Variants in NEURL1 observed in about 807,000 individuals in gnomAD.
NEURL1 encodes neuralized E3 ubiquitin protein ligase 1, also known as E3 ubiquitin-protein ligase NEURL1.
NEURL1 carries 26 observed loss-of-function variants against 41.2 expected under a neutral mutation model. The ratio of observed to expected loss-of-function variants is 0.63; its 90% CI spans 0.46 to 0.87. NEURL1 has a LOEUF of 0.87. NEURL1 is among the 40% of genes least tolerant of loss of function. The pLI is 0.00. For synonymous variants in NEURL1, 400 were observed against 402.3 expected (o/e 0.99, Z 0.07); for missense variants, 761 against 871.1 (o/e 0.87, Z 1.59).
Position 103,558,069 on chromosome 10 carries a change from G to A in NEURL1, c.86-12803G>A, listed in dbSNP as rs563846106. On this transcript the variant is annotated intron_variant, in intron 1 of 5. Coordinates refer to ENST00000369780, the MANE Select transcript of NEURL1 (RefSeq NM_004210.5). This position sits in a 1 kb window ranked among gnomAD's most constrained non-coding sequence, Gnocchi z 4.2. ...AATTTTTTGTATTTTTAGTAGAGAC[G>A]GGGTTTCACCATGTTGGTCAGGCTG... The A allele has an allele frequency of 5.1e-6, 2 of 390,680 alleles. No homozygotes were observed. Among genetic ancestry groups the A allele is most frequent in the African/African-American group, 2.2e-5 (1 of 45,734 alleles). The allele number at this position is 390,680 out of a possible 1,614,324, so 24.2% of individuals were successfully genotyped here.
At position 103,553,314 on chromosome 10, in the gene NEURL1, C is replaced by T. The variant is rs552802660; in HGVS notation, c.86-17558C>T. Among the ~76,000 whole-genome samples, 6 of 152,264 alleles carry T rather than the reference C, an allele frequency of 3.9e-5. No individual in the cohort carries two copies. The South Asian group carries it at 6.2e-4, about 16-fold the overall frequency. ...GTTTGCTGTTATTATGATCATTATC[C>T]GACAAAAGGAGTTTGGCTTACTTTC... On this transcript the variant is annotated intron_variant, in intron 1 of 5. Transcript: ENST00000369780.
At chr10:103,570,813 C>A in intron 1 of NEURL1, 59 bp from the exon 2 acceptor site, 1 of 1,571,064 alleles carries the variant, frequency 6.4e-7, no homozygotes. Context: ...CCCTAGGGGA[C>A]TCTGGTCTGG....
intron 1 of NEURL1, among the ~76,000 whole-genome samples, chr10:103,532,748 G>T (rs1057205193): frequency 3.4e-5 from 5 of 148,808 alleles, no homozygotes; most frequent in Non-Finnish European, 6.0e-5. Flanking sequence ...CTGTATCTTT[G>T]ACTTTTTACA....
Position 103,545,502 on chromosome 10 carries a change from G to C in NEURL1, c.86-25370G>C, listed in dbSNP as rs1194184820. 6.6e-6 allele frequency among the ~76,000 whole-genome samples: 1 copy of C among 152,172 alleles called. No individual in the cohort carries two copies. The highest frequency in any genetic ancestry group is 1.5e-5 in the Non-Finnish European group (1 of 68,022). Reference sequence around the variant, plus strand: ...TGAGAGCCACTGGCCTTTCCTGAGAGGCACTGCATGGACCCCATTACTCAC... The same window carrying C: ...TGAGAGCCACTGGCCTTTCCTGAGACGCACTGCATGGACCCCATTACTCAC... On this transcript the variant is annotated intron_variant, in intron 1 of 5. Coordinates refer to ENST00000369780, the MANE Select transcript of NEURL1 (RefSeq NM_004210.5). This position sits in a 1 kb window ranked among gnomAD's most constrained non-coding sequence, Gnocchi z 4.5.
At chr10:103,511,267 G>A (rs1488253663) in intron 1 of NEURL1, among the ~76,000 whole-genome samples, 1 of 152,188 alleles carries the variant, frequency 6.6e-6, no homozygotes, top group Non-Finnish European at 1.5e-5. Flanking sequence ...GGGACACAGG[G>A]GGAGCTCTGG....
intron 4 of NEURL1, chr10:103,588,587 C>T: frequency 3.0e-6 from 1 of 333,982 alleles, no homozygotes; most frequent in South Asian, 2.2e-5. Context: ...CTGGTAGGTC[C>T]TTGGTAAGGA....
rs2035214289 is a variant in NEURL1, at chr10:103,558,603, C to T, written c.86-12269C>T. Among the ~76,000 whole-genome samples the T allele has an allele frequency of 6.6e-6, 1 of 151,184 alleles. No individual in the cohort carries two copies. Among genetic ancestry groups the T allele is most frequent in the South Asian group, 2.1e-4 (1 of 4,774 alleles). ...CTCTGGGACCAGCCTGGCAGGAGAC[C>T]CATGGGGAAATGAATTCCCATTTGG... On this transcript the variant is annotated intron_variant, in intron 1 of 5. Coordinates refer to ENST00000369780, the MANE Select transcript of NEURL1 (RefSeq NM_004210.5). This position sits in a 1 kb window ranked among gnomAD's most constrained non-coding sequence, Gnocchi z 4.2.
At chr10:103,494,821 A>G in intron 1 of NEURL1, 1 of 268,616 alleles carries the variant, frequency 3.7e-6, no homozygotes, top group Non-Finnish European at 7.0e-6. Context: ...GTCTCCAGGG[A>G]GGCACCTCGA....
At chr10:103,582,823 A>G (rs1181556921) in intron 3 of NEURL1, among the ~76,000 whole-genome samples, 4 of 152,230 alleles carry the variant, frequency 2.6e-5, no homozygotes, top group African/African-American at 7.2e-5. Context: ...GGTGCGGCTT[A>G]CAGTGGCACC....
chr10:103,583,111 G>T (rs898279501), intron 3 of NEURL1, among the ~76,000 whole-genome samples: 5 of 152,192 alleles, frequency 3.3e-5, no homozygotes, highest in African/African-American at 1.2e-4. Flanking sequence ...ACAGCCATTA[G>T]AAGAATATGG....
At chr10:103,512,798 G>A (rs1006531887) in intron 1 of NEURL1, among the ~76,000 whole-genome samples, 1 of 152,100 alleles carries the variant, frequency 6.6e-6, no homozygotes, top group Non-Finnish European at 1.5e-5. Flanking sequence ...CTTATCTTAA[G>A]CTAGTTGTGT....
At chr10:103,564,503 C>G (rs1254767299) in intron 1 of NEURL1, among the ~76,000 whole-genome samples, 1 of 152,218 alleles carries the variant, frequency 6.6e-6, no homozygotes, top group African/African-American at 2.4e-5. Context: ...CCCTCCTGCA[C>G]ACAGCCTTCC....
rs550557732 is a variant in NEURL1, at chr10:103,590,596, C to T, written c.*224C>T. 20 of 578,938 alleles carry T rather than the reference C, an allele frequency of 3.5e-5. No homozygotes were observed. The highest frequency in any genetic ancestry group is 5.8e-5 in the East Asian group (2 of 34,504). 35.9% of individuals were successfully genotyped at this position (578,938 alleles called of 1,614,324 possible). A position where few individuals can be genotyped will look rare whatever the true frequency, so the allele number is the denominator to read the frequency against. ...GCAGAGGGAGGGGAGGAGAGGAGGC[C>T]GCACTCTCCCTGTCTCTCCCGTCTC... is the stretch of plus-strand genomic sequence containing the variant. On this transcript the variant is annotated 3_prime_UTR_variant, in exon 6 of 6. Coordinates refer to ENST00000369780, the MANE Select transcript of NEURL1 (RefSeq NM_004210.5).
chr10:103,563,833 G>T (rs952908782), intron 1 of NEURL1, among the ~76,000 whole-genome samples: 9 of 152,330 alleles, frequency 5.9e-5, no homozygotes, highest in African/African-American at 2.2e-4. Flanking sequence ...TTTGGAGGCA[G>T]CCAGCCCTGG....
At chr10:103,568,035 A>T (rs1250745075) in intron 1 of NEURL1, among the ~76,000 whole-genome samples, 1 of 152,130 alleles carries the variant, frequency 6.6e-6, no homozygotes, top group African/African-American at 2.4e-5. Context: ...GGTCTCAGGG[A>T]TACGGGAGAG....
Position 103,583,524 on chromosome 10 carries a change from G to A in NEURL1, c.650-1012G>A, listed in dbSNP as rs114230693. Reference sequence around the variant, plus strand: ...TGAGCCTAGGAGTTGGAGACCAGATGGGCAACATGGCGAAATACCGTCTCT... The same window carrying A: ...TGAGCCTAGGAGTTGGAGACCAGATAGGCAACATGGCGAAATACCGTCTCT... On this transcript the variant is annotated intron_variant, in intron 3 of 5. Transcript: ENST00000369780. Among the ~76,000 whole-genome samples the A allele has an allele frequency of 7.8e-3, 1,185 of 151,464 alleles. 15 individuals are homozygous for A. Among genetic ancestry groups the A allele is most frequent in the African/African-American group, 0.027 (1,108 of 41,232 alleles).
At chr10:103,532,708 CT>C (rs1367976922) in intron 1 of NEURL1, among the ~76,000 whole-genome samples, 1 of 149,468 alleles carries the variant, frequency 6.7e-6, no homozygotes, top group Non-Finnish European at 1.5e-5. Flanking sequence ...TTTTTTTTTC[CT>C]TTTTTTGGAG....
At position 103,494,312 on chromosome 10, in the gene NEURL1, A is replaced by C. The variant is rs2133840017; in HGVS notation, c.-76A>C. The C allele has an allele frequency of 1.6e-6, 2 of 1,286,178 alleles. No individual in the cohort carries two copies. The highest frequency in any genetic ancestry group is 2.7e-5 in the South Asian group (2 of 74,080). The allele number at this position is 1,286,178 out of a possible 1,614,324, so 79.7% of individuals were successfully genotyped here. ...CGGTGGCGCGCACCCGCGCGCGCACACTCGCACACCGCACCTCAGCGCCTG... is the reference window on the plus strand; with the variant it reads ...CGGTGGCGCGCACCCGCGCGCGCACCCTCGCACACCGCACCTCAGCGCCTG... On this transcript the variant is annotated 5_prime_UTR_variant, in exon 1 of 6. Transcript: ENST00000369780.
In NEURL1 at chr10:103,555,222, G is replaced by A. The variant is rs1194920247; in HGVS notation, c.86-15650G>A. On this transcript the variant is annotated intron_variant, in intron 1 of 5. Transcript: ENST00000369780. Reference sequence around the variant, plus strand: ...TGCGCGTGTGCCGGAGGGGGCGCGTGGGGGCGCGTGGGGGCGCGGGAGGGG... The same window carrying A: ...TGCGCGTGTGCCGGAGGGGGCGCGTAGGGGCGCGTGGGGGCGCGGGAGGGG... 259 of 833,246 alleles carry A rather than the reference G, an allele frequency of 3.1e-4. 1 individual carries two copies. Among genetic ancestry groups the A allele is most frequent in the Middle Eastern group, 1.8e-3 (3 of 1,632 alleles). The allele number at this position is 833,246 out of a possible 1,614,324, so 51.6% of individuals were successfully genotyped here.
Sources: allele counts gnomAD v4.1 joint callset (sites outside exome capture counted in the v4.1 genomes callset), GRCh38; gene constraint gnomAD v4.1.1; non-coding constraint Gnocchi (gnomAD v3.1); transcripts MANE v1.5; gene names NCBI Gene and HGNC (gene_info 2026-07-23, HGNC 2026-07-21).